Variants in LARGE1 observed in about 807,000 individuals in gnomAD.
LARGE1 encodes the protein LARGE xylosyl- and glucuronyltransferase 1, also known as xylosyl- and glucuronyltransferase LARGE1.
In LARGE1, 43 loss-of-function variants were observed where a neutral mutation model predicts 87.6. The ratio of observed to expected loss-of-function variants is 0.49; its 90% CI spans 0.38 to 0.63. LARGE1 has a LOEUF of 0.63. Ranked by LOEUF, LARGE1 falls within the 30% of genes least tolerant of loss-of-function variation. The pLI is 0.00. For synonymous variants in LARGE1, 434 were observed against 394.6 expected, an observed-to-expected ratio of 1.10 and a Z score of -1.18; for missense variants, 802 against 1,000.2, an observed-to-expected ratio of 0.80 and a Z score of 2.67.
chr22:33,484,386 A>G (rs1205338454), intron 6 of LARGE1, among the ~76,000 whole-genome samples: 1 of 152,236 alleles, frequency 6.6e-6, no homozygotes, highest in Non-Finnish European at 1.5e-5. Flanking sequence ...TATCCAATAA[A>G]TCTTACTGTG....
chr22:33,519,200 A>T (rs1650483095), intron 6 of LARGE1, among the ~76,000 whole-genome samples: 1 of 151,784 alleles, frequency 6.6e-6, no homozygotes, highest in African/African-American at 2.4e-5. Context: ...ATCTCTGGCA[A>T]TTCTGCAGGT....
At chr22:33,846,923 G>T (rs1601763489) in intron 1 of LARGE1, among the ~76,000 whole-genome samples, 3 of 152,282 alleles carry the variant, frequency 2.0e-5, no homozygotes, top group South Asian at 4.1e-4. Flanking sequence ...CCCCTGTCCT[G>T]TGGTCTTGTG....
At chr22:33,597,947 C>T (rs115722238) in intron 5 of LARGE1, among the ~76,000 whole-genome samples, 2,349 of 152,178 alleles carry the variant, frequency 0.015, 64 homozygotes, top group African/African-American at 0.053. Context: ...AGAGCCATCC[C>T]CCTCCTCAGC....
intron 2 of LARGE1, among the ~76,000 whole-genome samples, chr22:33,681,454 G>A (rs947860073): frequency 1.3e-5 from 2 of 152,102 alleles, no homozygotes; most frequent in African/African-American, 2.4e-5. Flanking sequence ...GGGCCTCATC[G>A]TCCTCTTCTG....
At chr22:33,113,614 C>T in the LARGE1 span, among the ~76,000 whole-genome samples, 1 of 152,224 alleles carries the variant, frequency 6.6e-6, no homozygotes, top group Non-Finnish European at 1.5e-5. Flanking sequence ...AGTTGCACAG[C>T]TTGTTCTATG....
chr22:33,702,424 C>T (rs1231453240), intron 2 of LARGE1, among the ~76,000 whole-genome samples: 1 of 152,120 alleles, frequency 6.6e-6, no homozygotes, highest in Non-Finnish European at 1.5e-5. Context: ...GTTTTCAGGG[C>T]CTTGCCGAGA....
At chr22:33,838,153 T>C (rs186455547) in intron 1 of LARGE1, among the ~76,000 whole-genome samples, 76 of 152,336 alleles carry the variant, frequency 5.0e-4, no homozygotes, top group African/African-American at 1.6e-3. Context: ...AAGCCATTCT[T>C]AGCTCATGGG....
At chr22:33,419,814 C>T (rs1287489376) in intron 7 of LARGE1, among the ~76,000 whole-genome samples, 1 of 152,152 alleles carries the variant, frequency 6.6e-6, no homozygotes, top group Non-Finnish European at 1.5e-5. Flanking sequence ...CCTCAGCCTC[C>T]CAAATAGCTG....
chr22:33,635,824 C>T (rs2080251063), intron 3 of LARGE1, among the ~76,000 whole-genome samples: 1 of 152,228 alleles, frequency 6.6e-6, no homozygotes, highest in Non-Finnish European at 1.5e-5. Context: ...TGGGAAACCA[C>T]TCATCTAAAT....
intron 6 of LARGE1, among the ~76,000 whole-genome samples, chr22:33,501,206 GA>G (rs1410846349): frequency 6.6e-6 from 1 of 152,230 alleles, no homozygotes. Flanking sequence ...AGTAAGGGAC[GA>G]AGCTAATGTA....
At chr22:33,909,705 A>T (rs1162559622) in intron 1 of LARGE1, among the ~76,000 whole-genome samples, 1 of 151,626 alleles carries the variant, frequency 6.6e-6, no homozygotes, top group African/African-American at 2.4e-5. Flanking sequence ...CGCCCAGCTA[A>T]TTTTTTGTAT....
chr22:33,861,860 C>CTTT (rs59657748), intron 1 of LARGE1, among the ~76,000 whole-genome samples: 17,162 of 116,850 alleles, frequency 0.15, 1,532 homozygotes, highest in South Asian at 0.26. Flanking sequence ...CCCAGACATT[C>CTTT]TTTTTTTTTT....
Position 33,768,931 on chromosome 22 carries a change from G to A in LARGE1, c.-82-7373C>T, listed in dbSNP as rs78595383. Among the ~76,000 whole-genome samples the A allele has an allele frequency of 7.9e-3, 1,202 of 152,216 alleles. 77 individuals are homozygous for A. The East Asian group carries it at 0.17, about 22-fold the overall frequency. On this transcript the variant is annotated intron_variant, in intron 1 of 14. Transcript: ENST00000397394. ...GATCTCAGGTGATTCATATATACAC[G>A]AATGTTTGAGAAGCCTGTACTAAAG...
intron 6 of LARGE1, among the ~76,000 whole-genome samples, chr22:33,551,229 C>A (rs1054951857): frequency 9.9e-5 from 15 of 152,136 alleles, no homozygotes; most frequent in Admixed American, 5.9e-4. Flanking sequence ...ATATACAGCC[C>A]AAAATATCAA....
intron 6 of LARGE1, among the ~76,000 whole-genome samples, chr22:33,481,066 T>C (rs1239688273): frequency 6.6e-6 from 1 of 151,998 alleles, no homozygotes; most frequent in Non-Finnish European, 1.5e-5. Flanking sequence ...TTCCTGGAAA[T>C]GAAATGGCTG....
At chr22:33,716,807 G>A (rs566634134) in intron 2 of LARGE1, among the ~76,000 whole-genome samples, 1 of 152,248 alleles carries the variant, frequency 6.6e-6, no homozygotes, top group Admixed American at 6.5e-5. Context: ...CTAGGAAGTG[G>A]ATAAATTTTA....
chr22:33,823,921 C>T (rs1293659520), intron 1 of LARGE1, among the ~76,000 whole-genome samples: 1 of 152,188 alleles, frequency 6.6e-6, no homozygotes, highest in Non-Finnish European at 1.5e-5. Context: ...GTTCATTCCT[C>T]ATTTGCCCTG....
At position 33,238,436 on chromosome 22, in the gene LARGE1, A is replaced by C. The variant is rs531837619; in HGVS notation, c.1730+65793T>G. On this transcript the variant is annotated intron_variant, in intron 11 of 11. Coordinates refer to the LARGE1 transcript ENST00000608642. ...GTGATTTGACAATATCTGTCCTAGG[A>C]ACTGATATATTTAGTATACCAAATA... Among the ~76,000 whole-genome samples, 13 of 152,290 alleles carry C rather than the reference A, an allele frequency of 8.5e-5. 1 individual carries two copies. In the South Asian group the frequency reaches 1.9e-3, roughly 22 times the overall value.
chr22:33,717,687 G>A (rs2082953663), intron 2 of LARGE1, among the ~76,000 whole-genome samples: 1 of 152,186 alleles, frequency 6.6e-6, no homozygotes, highest in Admixed American at 6.5e-5. Context: ...ACTAACGAAT[G>A]TACTCAAGAA....
Sources: allele counts gnomAD v4.1 joint callset (sites outside exome capture counted in the v4.1 genomes callset), GRCh38; gene constraint gnomAD v4.1.1; transcripts MANE v1.5; gene names NCBI Gene and HGNC (gene_info 2026-07-23, HGNC 2026-07-21).